The following IL1RAPL1 variants were observed in gnomAD, a reference collection of about 807,000 sequenced individuals.
IL1RAPL1 encodes the protein interleukin-1 receptor accessory protein-like 1.
IL1RAPL1 carries 3 observed loss-of-function variants against 48.4 expected under a neutral mutation model. The ratio of observed to expected loss-of-function variants is 0.06; its 90% CI spans 0.03 to 0.16. IL1RAPL1 has a LOEUF of 0.16. Among genes scored for constraint, IL1RAPL1 ranks in the 10% least tolerant of loss-of-function variants. The pLI is 1.00. For synonymous variants in IL1RAPL1, 185 were observed against 187.7 expected (o/e 0.99, Z 0.12); for missense variants, 349 against 530.6 (o/e 0.66, Z 3.36).
At chrX:29,810,146 A>G (rs1407271848) in intron 6 of IL1RAPL1, among the ~76,000 whole-genome samples, 2 of 108,283 alleles carry the variant, frequency 1.8e-5, no homozygotes, top group East Asian at 5.6e-4. Context: ...ATACATACAT[A>G]GCAGCACATT....
chrX:28,840,798 C>A (rs1051246027), intron 2 of IL1RAPL1, among the ~76,000 whole-genome samples: 1 of 110,196 alleles, frequency 9.1e-6, no homozygotes, highest in Non-Finnish European at 1.9e-5. Context: ...AGACTAGAAC[C>A]CCTGGAAGCT....
intron 1 of IL1RAPL1, among the ~76,000 whole-genome samples, chrX:28,608,475 A>G (rs1012746415): frequency 7.1e-5 from 8 of 112,194 alleles, no homozygotes; most frequent in African/African-American, 2.6e-4. Context: ...ATTCTAAATC[A>G]TTGTGTTCTC....
intron 2 of IL1RAPL1, among the ~76,000 whole-genome samples, chrX:28,971,128 G>T (rs757593233): frequency 1.7e-4 from 19 of 111,095 alleles, no homozygotes; most frequent in Non-Finnish European, 3.4e-4. Context: ...CTTGGCCAGG[G>T]TATGATGGAT....
intron 5 of IL1RAPL1, among the ~76,000 whole-genome samples, chrX:29,657,185 G>A (rs1452340817): frequency 2.7e-5 from 3 of 111,567 alleles, no homozygotes; most frequent in Non-Finnish European, 5.6e-5. Context: ...TTGAAATATA[G>A]GTAATAAAAC....
At chrX:29,500,039 C>T (rs765369960) in intron 5 of IL1RAPL1, among the ~76,000 whole-genome samples, 3 of 109,852 alleles carry the variant, frequency 2.7e-5, no homozygotes, top group Non-Finnish European at 5.7e-5. Context: ...TGCAGTGGCA[C>T]GATCTTGGCT....
At chrX:29,650,391 G>A (rs1343733406) in intron 5 of IL1RAPL1, among the ~76,000 whole-genome samples, 4 of 111,227 alleles carry the variant, frequency 3.6e-5, no homozygotes, top group African/African-American at 1.3e-4. Flanking sequence ...TGATGCAATA[G>A]TAACCAAAAT....
intron 2 of IL1RAPL1, among the ~76,000 whole-genome samples, chrX:28,801,313 T>C (rs1936672614): frequency 8.9e-6 from 1 of 111,779 alleles, no homozygotes; most frequent in African/African-American, 3.3e-5. Context: ...TATAATAGTA[T>C]AGATAAAATT....
chrX:29,743,594 T>C (rs1928261976), intron 6 of IL1RAPL1, among the ~76,000 whole-genome samples: 2 of 111,639 alleles, frequency 1.8e-5, no homozygotes, highest in Middle Eastern at 4.6e-3. Flanking sequence ...CAAGCGATTC[T>C]CCTCCTCAGC....
intron 2 of IL1RAPL1, among the ~76,000 whole-genome samples, chrX:28,886,756 G>A (rs1922640970): frequency 9.1e-6 from 1 of 110,281 alleles, no homozygotes; most frequent in Non-Finnish European, 1.9e-5. Flanking sequence ...TTATGCATTT[G>A]ACCACAGAGA....
chrX:28,762,785 C>T (rs867896443), intron 1 of IL1RAPL1, among the ~76,000 whole-genome samples: 75 of 55,517 alleles, frequency 1.4e-3, no homozygotes, highest in Admixed American at 3.6e-3. Flanking sequence ...CGCACGCGCG[C>T]GCACACACAC....
chrX:29,350,223 A>ATATT (rs1933208750), intron 3 of IL1RAPL1, among the ~76,000 whole-genome samples: 1 of 73,004 alleles, frequency 1.4e-5, no homozygotes, highest in Admixed American at 1.6e-4. Flanking sequence ...ATATATATAT[A>ATATT]TGCTAAAATC....
chrX:28,964,155 A>G (rs926787934), intron 2 of IL1RAPL1, among the ~76,000 whole-genome samples: 4 of 111,093 alleles, frequency 3.6e-5, no homozygotes, highest in Non-Finnish European at 7.5e-5. Context: ...TCATCAGTGT[A>G]GAATGGTATA....
Position 28,879,072 on chromosome X carries a change from A to G in IL1RAPL1, c.82+89647A>G, listed in dbSNP as rs779656493. On this transcript the variant is annotated intron_variant, in intron 2 of 10. Coordinates refer to ENST00000378993, the MANE Select transcript of IL1RAPL1 (RefSeq NM_014271.4). ...GTGCAATAGTTTGTTTTTATAATTTATAACAAAGTCATTAACATTTTTAAT... is the reference window on the plus strand; with the variant it reads ...GTGCAATAGTTTGTTTTTATAATTTGTAACAAAGTCATTAACATTTTTAAT... Among the ~76,000 whole-genome samples the G allele has an allele frequency of 2.7e-5, 3 of 112,179 alleles. No homozygotes were observed. In the South Asian group the frequency reaches 1.1e-3, roughly 41 times the overall value.
At chrX:29,839,613 TGGCTG>T (rs1262435994) in intron 6 of IL1RAPL1, among the ~76,000 whole-genome samples, 1 of 112,350 alleles carries the variant, frequency 8.9e-6, no homozygotes, top group Non-Finnish European at 1.9e-5. Context: ...AGCTGAAACT[TGGCTG>T]GGCACAGTGG....
At chrX:29,624,735 G>A (rs779483526) in intron 5 of IL1RAPL1, among the ~76,000 whole-genome samples, 36 of 110,328 alleles carry the variant, frequency 3.3e-4, no homozygotes, top group Admixed American at 5.8e-4. Context: ...AGTCCCAGCT[G>A]CTAGGGAGGT....
At chrX:29,479,951 C>G (rs1418277174) in intron 5 of IL1RAPL1, among the ~76,000 whole-genome samples, 3 of 110,949 alleles carry the variant, frequency 2.7e-5, no homozygotes, top group Admixed American at 9.6e-5. Flanking sequence ...TATATCTTTG[C>G]AATTGCGAAT....
intron 5 of IL1RAPL1, among the ~76,000 whole-genome samples, chrX:29,425,959 G>T (rs1934346090): frequency 9.0e-6 from 1 of 111,233 alleles, no homozygotes; most frequent in African/African-American, 3.3e-5. Flanking sequence ...GAGGACAGTT[G>T]CTGAATCCAA....
intron 2 of IL1RAPL1, among the ~76,000 whole-genome samples, chrX:29,104,862 A>C (rs1928417698): frequency 1.8e-5 from 2 of 112,026 alleles, no homozygotes; most frequent in Non-Finnish European, 3.8e-5. Flanking sequence ...GCTATCTTTT[A>C]ATTTGTAAGT....
At chrX:28,779,634 GTATATATATA>G (rs1183080798) in intron 1 of IL1RAPL1, among the ~76,000 whole-genome samples, 956 of 38,300 alleles carry the variant, frequency 0.025, 19 homozygotes, top group Admixed American at 0.093. Flanking sequence ...GTGTGTGTGT[GTATATATATA>G]TATATATATA....
Sources: gnomAD v4.1 joint callset for allele counts (sites outside exome capture counted in the v4.1 genomes callset) on GRCh38, gnomAD v4.1.1 for gene constraint, MANE v1.5 for transcripts, NCBI Gene and HGNC (gene_info 2026-07-23, HGNC 2026-07-21) for gene names.